PRKN: variants seen among roughly 807,000 people sequenced by gnomAD.
PRKN encodes E3 ubiquitin-protein ligase parkin.
Under a neutral mutation model 59.5 loss-of-function variants are expected in PRKN, and 56 were observed. That is an observed-to-expected ratio of 0.94 (90% CI 0.76 to 1.18). The LOEUF is 1.18. Among genes scored for constraint, PRKN ranks in the 50% most tolerant of loss-of-function variants. The pLI, the probability that PRKN is intolerant of heterozygous loss-of-function variation, is 0.00. For synonymous variants in PRKN, 250 were observed against 222.1 expected, an observed-to-expected ratio of 1.13 and a Z score of -1.12; for missense variants, 657 against 596.4, an observed-to-expected ratio of 1.10 and a Z score of -1.06.
At chr6:162,680,348 G>A (rs1562492084) in intron 1 of PRKN, among the ~76,000 whole-genome samples, 1 of 150,420 alleles carries the variant, frequency 6.6e-6, no homozygotes, top group African/African-American at 2.4e-5. Context: ...GTATGTGTGT[G>A]TATATATATA....
At chr6:161,730,043 C>A (rs546881561) in intron 7 of PRKN, among the ~76,000 whole-genome samples, 1 of 151,908 alleles carries the variant, frequency 6.6e-6, no homozygotes, top group Admixed American at 6.6e-5. Context: ...GTGTTGTATT[C>A]TTTCTGGTGT....
At chr6:162,435,849 C>A (rs1228398692) in intron 2 of PRKN, among the ~76,000 whole-genome samples, 2 of 152,006 alleles carry the variant, frequency 1.3e-5, no homozygotes, top group Non-Finnish European at 2.9e-5. Flanking sequence ...TGGTATTGAG[C>A]CTGGCCTCCT....
chr6:162,155,961 C>T (rs888423032), intron 4 of PRKN, among the ~76,000 whole-genome samples: 1 of 152,132 alleles, frequency 6.6e-6, no homozygotes, highest in Non-Finnish European at 1.5e-5. Flanking sequence ...GGGCAACTTG[C>T]TTCTTTAAAA....
chr6:162,646,369 C>T (rs1430820782), intron 1 of PRKN, among the ~76,000 whole-genome samples: 4 of 151,980 alleles, frequency 2.6e-5, no homozygotes, highest in African/African-American at 9.7e-5. Flanking sequence ...ACACCCTGGG[C>T]TCCAGGGATC....
At chr6:162,024,435 G>C (rs1034053935) in intron 5 of PRKN, among the ~76,000 whole-genome samples, 3 of 152,152 alleles carry the variant, frequency 2.0e-5, no homozygotes, top group African/African-American at 7.2e-5. Context: ...GACTTCAGGT[G>C]ATCCACCGGC....
intron 7 of PRKN, among the ~76,000 whole-genome samples, chr6:161,665,812 C>T (rs1377169736): frequency 6.6e-6 from 1 of 152,202 alleles, no homozygotes; most frequent in African/African-American, 2.4e-5. Flanking sequence ...GTGTGAAACG[C>T]TGAACTGACA....
chr6:162,399,671 A>T (rs1583503888), intron 2 of PRKN, among the ~76,000 whole-genome samples: 1 of 152,198 alleles, frequency 6.6e-6, no homozygotes, highest in Non-Finnish European at 1.5e-5. Context: ...AACCTATTCT[A>T]GTAAGAAATG....
At chr6:162,194,507 C>A (rs1182874036) in intron 4 of PRKN, among the ~76,000 whole-genome samples, 2 of 152,130 alleles carry the variant, frequency 1.3e-5, no homozygotes, top group East Asian at 3.9e-4. Context: ...CATTTACTTA[C>A]AATTTTAAAT....
chr6:162,475,472 T>C (rs537813703), intron 1 of PRKN, among the ~76,000 whole-genome samples: 4 of 150,912 alleles, frequency 2.7e-5, no homozygotes, highest in Admixed American at 6.6e-5. Flanking sequence ...AGACATGTTG[T>C]TACTGGAGAA....
At chr6:162,533,452 C>T (rs1473079339) in intron 1 of PRKN, among the ~76,000 whole-genome samples, 1 of 152,074 alleles carries the variant, frequency 6.6e-6, no homozygotes, top group Non-Finnish European at 1.5e-5. Context: ...TGTTTGAACC[C>T]AGGAGGTGGA....
intron 7 of PRKN, among the ~76,000 whole-genome samples, chr6:161,577,013 G>T (rs1781156481): frequency 1.3e-5 from 2 of 152,128 alleles, no homozygotes; most frequent in South Asian, 4.1e-4. Context: ...AATGATAAAC[G>T]CCCCTGAAGT....
chr6:162,262,238 A>C (rs1293755376), intron 3 of PRKN, among the ~76,000 whole-genome samples: 1 of 152,164 alleles, frequency 6.6e-6, no homozygotes, highest in Non-Finnish European at 1.5e-5. Context: ...TGGCTCGATT[A>C]GCTTTAGAGT....
chr6:161,775,718 A>T (rs549350430), intron 7 of PRKN, among the ~76,000 whole-genome samples: 7 of 152,334 alleles, frequency 4.6e-5, no homozygotes, highest in African/African-American at 1.7e-4. Context: ...AAACCAAAAA[A>T]TATTCCTTCA....
chr6:162,461,273 G>A (rs1486578553), intron 1 of PRKN, among the ~76,000 whole-genome samples: 9 of 151,526 alleles, frequency 5.9e-5, no homozygotes, highest in African/African-American at 1.5e-4. Flanking sequence ...AGGCCGAGGC[G>A]GGAGGATCAC....
chr6:162,100,721 C>A (rs1013232442), intron 4 of PRKN, among the ~76,000 whole-genome samples: 1 of 152,166 alleles, frequency 6.6e-6, no homozygotes, highest in Non-Finnish European at 1.5e-5. Context: ...GGATTACAGG[C>A]ATGAGCCACC....
intron 1 of PRKN, among the ~76,000 whole-genome samples, chr6:162,462,844 A>G (rs1791236614): frequency 1.3e-5 from 2 of 152,142 alleles, no homozygotes; most frequent in African/African-American, 2.4e-5. Context: ...CTGTAATCCT[A>G]ATAGTTTTGG....
At chr6:162,242,164 T>C (rs1779014583) in intron 3 of PRKN, among the ~76,000 whole-genome samples, 1 of 152,174 alleles carries the variant, frequency 6.6e-6, no homozygotes. Context: ...TTGACATTCC[T>C]GGTATTCAGA....
intron 6 of PRKN, among the ~76,000 whole-genome samples, chr6:161,829,522 C>T (rs1451515411): frequency 6.6e-6 from 1 of 152,144 alleles, no homozygotes; most frequent in Non-Finnish European, 1.5e-5. Context: ...GTCAGACTGA[C>T]ATGAATTGAA....
chr6:161,510,096 G>A (rs1426608175), intron 9 of PRKN, among the ~76,000 whole-genome samples: 3 of 152,158 alleles, frequency 2.0e-5, no homozygotes, highest in Non-Finnish European at 4.4e-5. Flanking sequence ...GAAGACATAT[G>A]CATCGTTGAG....
Sources: allele counts gnomAD v4.1 joint callset (sites outside exome capture counted in the v4.1 genomes callset), GRCh38; gene constraint gnomAD v4.1.1; transcripts MANE v1.5; gene names NCBI Gene and HGNC (gene_info 2026-07-23, HGNC 2026-07-21).